The following PIBF1 variants were observed in gnomAD, a reference collection of about 807,000 sequenced individuals.
The protein encoded by PIBF1 is progesterone immunomodulatory binding factor 1, also known as progesterone-induced-blocking factor 1.
Under a neutral mutation model 112.5 loss-of-function variants are expected in PIBF1, and 90 were observed. That is an observed-to-expected ratio of 0.80 (90% confidence interval 0.67 to 0.95). PIBF1 has a LOEUF of 0.95. Ranked by LOEUF, PIBF1 falls within the 40% of genes least tolerant of loss-of-function variation. The pLI, the probability that PIBF1 is intolerant of heterozygous loss-of-function variation, is 0.00. For missense variants in PIBF1, 915 were observed against 852.3 expected, an observed-to-expected ratio of 1.07 and a Z score of -0.92; for synonymous variants, 301 against 288.6, an observed-to-expected ratio of 1.04 and a Z score of -0.44.
chr13:72,837,476 T>G (rs1296117813), intron 9 of PIBF1, among the ~76,000 whole-genome samples: 2 of 152,110 alleles, frequency 1.3e-5, no homozygotes, highest in Non-Finnish European at 2.9e-5. Context: ...TATGTTATGA[T>G]TGTTCTCTTT....
rs145404274 is a variant in PIBF1 at position 72,958,445 on chromosome 13, A to G, written c.1834-6829A>G. 2.0e-4 allele frequency among the ~76,000 whole-genome samples: 30 copies of G among 152,220 alleles called. 2 individuals carry two copies. The East Asian group carries it at 5.8e-3, about 29-fold the overall frequency. On this transcript the variant is annotated intron_variant, in intron 14 of 17. Transcript: ENST00000326291. ...TCTCAAGTATTTTAACATCCCATTCATGAATTTTCCTTACTTGGACCATAC... is the reference window on the plus strand; with the variant it reads ...TCTCAAGTATTTTAACATCCCATTCGTGAATTTTCCTTACTTGGACCATAC...
rs2035285872 is a variant in PIBF1, at chr13:72,798,105, A to G, written c.672+79A>G. 1.1e-5 allele frequency: 16 copies of G among 1,436,256 alleles called. No individual in the cohort carries two copies. The East Asian group carries it at 3.1e-4, about 28-fold the overall frequency. The allele number at this position is 1,436,256 out of a possible 1,614,324, so 89.0% of individuals were successfully genotyped here. A position where few individuals can be genotyped will look rare whatever the true frequency, so the allele number is the denominator to read the frequency against. On this transcript the variant is annotated intron_variant, in intron 5 of 17. Coordinates refer to ENST00000326291, the MANE Select transcript of PIBF1 (RefSeq NM_006346.4). ...TCCCTCAGGATTTGTGATAAGGCAT[A>G]TAAAAGTCAGTGATTGAAAAATGGG...
chr13:72,976,407 T>A (rs2043023735), intron 16 of PIBF1, among the ~76,000 whole-genome samples: 1 of 152,170 alleles, frequency 6.6e-6, no homozygotes. Context: ...AAACTACTCA[T>A]TAATTGCCTA....
chr13:72,853,933 A>G (rs1252775146), intron 9 of PIBF1, 124 bp from the exon 10 acceptor site: 1 of 672,956 alleles, frequency 1.5e-6, no homozygotes. Flanking sequence ...AGGTTTATAT[A>G]GTGTACACTT....
intron 11 of PIBF1, among the ~76,000 whole-genome samples, chr13:72,908,108 T>C (rs1376243576): frequency 6.6e-6 from 1 of 152,132 alleles, no homozygotes. Context: ...TTCAATAAGC[T>C]CTGATGGAAA....
chr13:72,790,546 GATAGATAGATAGA>G (rs2034869588), intron 2 of PIBF1, among the ~76,000 whole-genome samples: 1 of 136,528 alleles, frequency 7.3e-6, no homozygotes, highest in Admixed American at 7.3e-5. Context: ...TAGATAGATA[GATAGATAGATAGA>G]TAGATAAATC....
rs182013562 is a variant in PIBF1, at chr13:72,968,605, C to T, written c.1964+3201C>T. On this transcript the variant is annotated intron_variant, in intron 15 of 17. Coordinates refer to ENST00000326291, the MANE Select transcript of PIBF1 (RefSeq NM_006346.4). ...CATGAGCCACCACACCCAACCTGAG[C>T]ATTTGAAATGTGGCTACTGTTACTG... Among the ~76,000 whole-genome samples, 129 of 152,116 alleles carry T rather than the reference C, an allele frequency of 8.5e-4. 1 individual carries two copies. Among genetic ancestry groups the T allele is most frequent in the African/African-American group, 2.8e-3 (118 of 41,534 alleles).
chr13:72,820,857 T>G (rs145024212), intron 5 of PIBF1, among the ~76,000 whole-genome samples: 32 of 152,334 alleles, frequency 2.1e-4, no homozygotes, highest in Non-Finnish European at 3.7e-4. Flanking sequence ...TTTAGTCCCG[T>G]CTGCTTCCCC....
intron 5 of PIBF1, among the ~76,000 whole-genome samples, chr13:72,802,792 A>G (rs1443473401): frequency 6.6e-6 from 1 of 152,152 alleles, no homozygotes; most frequent in African/African-American, 2.4e-5. Context: ...AGCCAGGATG[A>G]GATTACCAAA....
intron 14 of PIBF1, among the ~76,000 whole-genome samples, chr13:72,954,165 T>C (rs747251921): frequency 2.6e-5 from 4 of 152,042 alleles, no homozygotes; most frequent in Non-Finnish European, 5.9e-5. Context: ...CCCACTCAGC[T>C]CCCATGCACT....
chr13:72,784,551 G>A (rs1180322845), intron 2 of PIBF1, among the ~76,000 whole-genome samples: 1 of 151,972 alleles, frequency 6.6e-6, no homozygotes, highest in African/African-American at 2.4e-5. Context: ...CCAAGCTCAG[G>A]AGTTCGAGAC....
intron 11 of PIBF1, among the ~76,000 whole-genome samples, chr13:72,905,441 TTACTC>T (rs2040670958): frequency 6.6e-6 from 1 of 152,106 alleles, no homozygotes; most frequent in African/African-American, 2.4e-5. Flanking sequence ...CTTCTGGAAA[TTACTC>T]TGATTAGTGA....
In PIBF1 at chr13:72,861,505, G is replaced by T. The variant is rs142915487; in HGVS notation, c.1322+7350G>T. Among the ~76,000 whole-genome samples, 5 of 152,158 alleles carry T rather than the reference G, an allele frequency of 3.3e-5. No homozygotes were observed. In the East Asian group the frequency reaches 9.6e-4, roughly 29 times the overall value. ...GTAAGTGATTTTTATGTCATATTGG[G>T]CTAGTTTAAAGCTTGATAAAGAAAT... On this transcript the variant is annotated intron_variant, in intron 10 of 17. Coordinates refer to ENST00000326291, the MANE Select transcript of PIBF1 (RefSeq NM_006346.4).
chr13:72,934,806 A>G (rs1012585316), intron 14 of PIBF1, among the ~76,000 whole-genome samples: 3 of 152,166 alleles, frequency 2.0e-5, no homozygotes, highest in Non-Finnish European at 4.4e-5. Flanking sequence ...ACATGAATAT[A>G]CCTATGAAAC....
chr13:72,985,200 G>A (rs1474400680), intron 16 of PIBF1, among the ~76,000 whole-genome samples: 2 of 152,154 alleles, frequency 1.3e-5, no homozygotes, highest in African/African-American at 4.8e-5. Context: ...CTACAAAACT[G>A]TAAAATCTCT....
At chr13:72,824,976 C>T (rs1165673452) in intron 6 of PIBF1, among the ~76,000 whole-genome samples, 2 of 152,276 alleles carry the variant, frequency 1.3e-5, no homozygotes, top group East Asian at 3.9e-4. Context: ...AATGAAGAAA[C>T]TTCAGACAAG....
At chr13:72,959,373 T>C (rs1422057340) in intron 14 of PIBF1, among the ~76,000 whole-genome samples, 6 of 152,094 alleles carry the variant, frequency 3.9e-5, no homozygotes, top group Non-Finnish European at 8.8e-5. Context: ...TGCCCCCCTA[T>C]CGGACCTCAA....
At chr13:72,991,573 C>A (rs1054765298) in intron 16 of PIBF1, among the ~76,000 whole-genome samples, 1 of 152,072 alleles carries the variant, frequency 6.6e-6, no homozygotes, top group Non-Finnish European at 1.5e-5. Context: ...TTTTATCAGA[C>A]TACGTTATAG....
At chr13:72,804,769 A>G (rs2035640957) in intron 5 of PIBF1, among the ~76,000 whole-genome samples, 1 of 152,214 alleles carries the variant, frequency 6.6e-6, no homozygotes, top group Admixed American at 6.5e-5. Context: ...TCTAAGTCCT[A>G]ACAGAGGAAT....
Sources: gnomAD v4.1 joint callset for allele counts (sites outside exome capture counted in the v4.1 genomes callset) on GRCh38, gnomAD v4.1.1 for gene constraint, MANE v1.5 for transcripts, NCBI Gene and HGNC (gene_info 2026-07-23, HGNC 2026-07-21) for gene names.